DNER: variants seen among roughly 807,000 people sequenced by gnomAD.
DNER encodes delta and Notch-like epidermal growth factor-related receptor.
DNER carries 33 observed loss-of-function variants against 78.2 expected under a neutral mutation model. That is an observed-to-expected ratio of 0.42 (90% CI 0.32 to 0.56). DNER has a LOEUF of 0.56. Among genes scored for constraint, DNER ranks in the 20% least tolerant of loss-of-function variants. DNER has a pLI of 0.11. For missense variants in DNER, 918 were observed against 975.3 expected (o/e 0.94, Z 0.78); for synonymous variants, 417 against 384.8 (o/e 1.08, Z -0.98).
chr2:229,483,077 G>A (rs6705870), intron 6 of DNER, among the ~76,000 whole-genome samples: 19,002 of 152,180 alleles, frequency 0.12, 1,328 homozygotes, highest in South Asian at 0.2. Context: ...TGATGAGTAT[G>A]AGCTTGGAGT....
In DNER at chr2:229,591,360, C is replaced by A. The variant is rs948310168; in HGVS notation, c.585+220G>T. On this transcript the variant is annotated intron_variant, in intron 2 of 12. Coordinates refer to ENST00000341772, the MANE Select transcript of DNER (RefSeq NM_139072.4). The surrounding 1 kb of genome is among the most constrained non-coding windows in gnomAD (Gnocchi z 4.6). ...ATCTCACAGAAATACATGTGGATAC[C>A]ATTCCAAAAAATAATTTGATTCATT... is the stretch of plus-strand genomic sequence containing the variant. 2.6e-5 allele frequency among the ~76,000 whole-genome samples: 4 copies of A among 152,196 alleles called. No homozygotes were observed. The highest frequency in any genetic ancestry group is 4.4e-5 in the Non-Finnish European group (3 of 68,036).
intron 6 of DNER, among the ~76,000 whole-genome samples, chr2:229,488,285 T>A (rs1397006200): frequency 6.6e-6 from 1 of 152,234 alleles, no homozygotes; most frequent in Non-Finnish European, 1.5e-5. Flanking sequence ...ACCGATTCTG[T>A]GCCAGTGTGT....
At chr2:229,608,183 G>A (rs914346196) in intron 1 of DNER, among the ~76,000 whole-genome samples, 18 of 152,156 alleles carry the variant, frequency 1.2e-4, no homozygotes, top group African/African-American at 4.3e-4. Flanking sequence ...GTAGGACAAT[G>A]TTAAAAATAC....
intron 1 of DNER, among the ~76,000 whole-genome samples, chr2:229,677,381 T>C (rs889725793): frequency 1.3e-5 from 2 of 152,186 alleles, no homozygotes; most frequent in Non-Finnish European, 1.5e-5. Context: ...GAGATGGGGA[T>C]GCCAATTCAA....
At chr2:229,515,221 TA>T in intron 5 of DNER, among the ~76,000 whole-genome samples, 1 of 152,316 alleles carries the variant, frequency 6.6e-6, no homozygotes, top group South Asian at 2.1e-4. Flanking sequence ...GTCAGAAAGG[TA>T]TTTTTTTAAA....
At chr2:229,619,063 C>G (rs186817983) in intron 1 of DNER, among the ~76,000 whole-genome samples, 1 of 152,072 alleles carries the variant, frequency 6.6e-6, no homozygotes, top group African/African-American at 2.4e-5. Context: ...GGCTGAAGAT[C>G]GCTTGAGCCA....
At chr2:229,600,147 G>A (rs1055654523) in intron 1 of DNER, among the ~76,000 whole-genome samples, 2 of 152,200 alleles carry the variant, frequency 1.3e-5, no homozygotes, top group Non-Finnish European at 2.9e-5. Flanking sequence ...TTTAGAAATT[G>A]TTAGTACAAA....
chr2:229,407,317 G>A lies in DNER; in HGVS notation c.1638C>T (p.Pro546=). The change falls in exon 10 of 13, where the codon CCC becomes CCT. Residue 546 remains proline (P), a synonymous_variant. Transcript: ENST00000341772. Reference sequence around the variant, plus strand: ...CGTTCAGACAGCTGACGTTAGCGCAGGGATCCTTGTACAATTCACAGTGTG... The same window carrying A: ...CGTTCAGACAGCTGACGTTAGCGCAAGGATCCTTGTACAATTCACAGTGTG... ...KGTHCELYKD[P]CANVSCLNGA... 2 of 1,613,928 alleles carry A rather than the reference G, an allele frequency of 1.2e-6. No individual in the cohort carries two copies. The highest frequency in any genetic ancestry group is 1.7e-6 in the Non-Finnish European group (2 of 1,179,848).
chr2:229,439,688 A>T (rs1005284110), intron 8 of DNER, among the ~76,000 whole-genome samples: 1 of 152,216 alleles, frequency 6.6e-6, no homozygotes, highest in Non-Finnish European at 1.5e-5. Flanking sequence ...GCTTTGTTAC[A>T]AAATAGTGGT....
intron 5 of DNER, among the ~76,000 whole-genome samples, chr2:229,526,439 G>A (rs1351414161): frequency 1.3e-5 from 2 of 152,148 alleles, no homozygotes; most frequent in Admixed American, 6.6e-5. Context: ...TGAAACCCAC[G>A]GTTAATACCC....
intron 6 of DNER, among the ~76,000 whole-genome samples, chr2:229,492,456 G>T (rs886441703): frequency 6.6e-6 from 1 of 152,160 alleles, no homozygotes; most frequent in Non-Finnish European, 1.5e-5. Context: ...ATAACTAACA[G>T]AAAATTCACA....
At chr2:229,444,062 G>C (rs892197878) in intron 8 of DNER, among the ~76,000 whole-genome samples, 2 of 152,206 alleles carry the variant, frequency 1.3e-5, no homozygotes, top group East Asian at 1.9e-4. Flanking sequence ...TCCACGAACA[G>C]AATGCACACG....
chr2:229,529,254 C>T (rs747025531), intron 5 of DNER, among the ~76,000 whole-genome samples: 7 of 152,044 alleles, frequency 4.6e-5, no homozygotes, highest in African/African-American at 1.4e-4. Flanking sequence ...AATAGAGGAG[C>T]GAGCTTCGGC....
chr2:229,459,066 G>A lies in DNER; in HGVS notation c.1262-11526C>T, dbSNP rs967696752. On this transcript the variant is annotated intron_variant, in intron 7 of 12. Transcript: ENST00000341772. Reference sequence around the variant, plus strand: ...ATTAAATTTAACAAAAGATATGCAAGATGTCTACACTGAAAACTATAAAAC... The same window carrying A: ...ATTAAATTTAACAAAAGATATGCAAAATGTCTACACTGAAAACTATAAAAC... Among the ~76,000 whole-genome samples the A allele has an allele frequency of 1.7e-4, 26 of 151,974 alleles. 1 individual carries two copies. The highest frequency in any genetic ancestry group is 6.0e-4 in the African/African-American group (25 of 41,324).
intron 7 of DNER, among the ~76,000 whole-genome samples, chr2:229,457,940 A>T (rs1224145473): frequency 6.6e-6 from 1 of 151,666 alleles, no homozygotes; most frequent in Non-Finnish European, 1.5e-5. Flanking sequence ...GTTCGAGACC[A>T]GCCTGGCCAA....
chr2:229,632,364 C>T (rs1342954929), intron 1 of DNER, among the ~76,000 whole-genome samples: 3 of 152,140 alleles, frequency 2.0e-5, no homozygotes, highest in South Asian at 2.1e-4. Context: ...TATAATATAG[C>T]GCTTGCATAC....
chr2:229,648,507 T>A (rs1473320744), intron 1 of DNER, among the ~76,000 whole-genome samples: 1 of 152,256 alleles, frequency 6.6e-6, no homozygotes, highest in African/African-American at 2.4e-5. Flanking sequence ...CTGTTCGCTT[T>A]TTGTACCACT....
intron 1 of DNER, among the ~76,000 whole-genome samples, chr2:229,628,071 C>T (rs973798562): frequency 3.3e-5 from 5 of 152,194 alleles, no homozygotes; most frequent in African/African-American, 4.8e-5. Flanking sequence ...CAGGAAGGCC[C>T]TCGCCTGGTC....
At chr2:229,634,134 G>A (rs527718132) in intron 1 of DNER, among the ~76,000 whole-genome samples, 53 of 152,328 alleles carry the variant, frequency 3.5e-4, no homozygotes, top group Middle Eastern at 3.4e-3. Flanking sequence ...TAAGGAGGCA[G>A]AAGATGAAAT....
Sources: gnomAD v4.1 joint callset for allele counts (sites outside exome capture counted in the v4.1 genomes callset) on GRCh38, gnomAD v4.1.1 for gene constraint, Gnocchi (gnomAD v3.1) non-coding constraint, MANE v1.5 for transcripts, NCBI Gene and HGNC (gene_info 2026-07-23, HGNC 2026-07-21) for gene names.